Variants in KIF27 observed in about 807,000 individuals in gnomAD.
The protein encoded by KIF27 is kinesin family member 27.
Under a neutral mutation model 141.8 loss-of-function variants are expected in KIF27, and 84 were observed. The observed-to-expected ratio is 0.59, with a 90% CI of 0.50 to 0.71. The LOEUF (loss-of-function observed/expected upper bound fraction) is 0.71. Among genes scored for constraint, KIF27 ranks in the 30% least tolerant of loss-of-function variants. KIF27 has a pLI of 0.00. For missense variants in KIF27, 1,306 were observed against 1,628.4 expected (o/e 0.80, Z 3.41); for synonymous variants, 471 against 569.5 (o/e 0.83, Z 2.46).
chr9:83,899,968 T>C (rs377156945), intron 4 of KIF27, among the ~76,000 whole-genome samples, 164 bp from the exon 5 acceptor site: 1 of 152,174 alleles, frequency 6.6e-6, no homozygotes, highest in Non-Finnish European at 1.5e-5. Context: ...GCAGAAAGAG[T>C]TGAGAGAACC....
intron 1 of KIF27, among the ~76,000 whole-genome samples, chr9:83,917,384 T>C (rs1045536648): frequency 2.0e-5 from 3 of 152,200 alleles, no homozygotes; most frequent in African/African-American, 7.2e-5. Flanking sequence ...AATATGTCAG[T>C]ATTCCCCAAA....
At chr9:83,890,774 G>A (rs562898881) in intron 6 of KIF27, among the ~76,000 whole-genome samples, 7 of 152,232 alleles carry the variant, frequency 4.6e-5, no homozygotes, top group East Asian at 1.9e-4. Context: ...TGCTAATTAC[G>A]TCTTTTCCAT....
At chr9:83,852,771 G>A (rs1478870369) in intron 15 of KIF27, among the ~76,000 whole-genome samples, 1 of 152,088 alleles carries the variant, frequency 6.6e-6, no homozygotes, top group Non-Finnish European at 1.5e-5. Flanking sequence ...TGGGACTACA[G>A]GTGTATGCTA....
intron 11 of KIF27, among the ~76,000 whole-genome samples, chr9:83,875,932 G>C (rs1325198953): frequency 4.0e-5 from 6 of 151,744 alleles, no homozygotes; most frequent in African/African-American, 1.5e-4. Flanking sequence ...GTAAGAAAGG[G>C]ATGGGAAAAA....
chr9:83,843,996 A>G (rs933807322), intron 16 of KIF27, among the ~76,000 whole-genome samples: 4 of 152,154 alleles, frequency 2.6e-5, no homozygotes, highest in Non-Finnish European at 5.9e-5. Flanking sequence ...TGTGTCTGTG[A>G]AAGTGTTGCC....
rs371644280 is a variant in KIF27, at chr9:83,904,847, G to C, written c.500-829C>G. Among the ~76,000 whole-genome samples, 4 of 151,392 alleles carry C rather than the reference G, an allele frequency of 2.6e-5. No homozygotes were observed. In the East Asian group the frequency reaches 7.8e-4, roughly 29 times the overall value. ...ATCGTGAGGTCATAATCAATGAAGA[G>C]TAAAAAATTCAATACAAATAAAGTT... On this transcript the variant is annotated intron_variant, in intron 3 of 17. Coordinates refer to ENST00000297814, the MANE Select transcript of KIF27 (RefSeq NM_017576.4).
Position 83,850,100 on chromosome 9 carries a change from T to C in KIF27, c.3555A>G (p.Lys1185=). The C allele has an allele frequency of 1.9e-6, 3 of 1,613,582 alleles. No individual in the cohort carries two copies. The highest frequency in any genetic ancestry group is 2.5e-6 in the Non-Finnish European group (3 of 1,179,490). Residue 1185 remains lysine, a splice_region_variant and synonymous_variant, in exon 16 of 18, where the codon AAA becomes AAG. Coordinates refer to ENST00000297814, the MANE Select transcript of KIF27 (RefSeq NM_017576.4). Reference sequence around the variant, plus strand: ...ATAACTGTCAAAAGGGGAAGTTACCTTTGAAATGATGTAATAGCAACTGCA... The same window carrying C: ...ATAACTGTCAAAAGGGGAAGTTACCCTTGAAATGATGTAATAGCAACTGCA... ...QKMQLLLHHF[K]EQDGEGIMET... is the part of the protein sequence containing the mutation.
rs1554691202 is a variant in KIF27 at position 83,921,419 on chromosome 9, CT to C, written c.-137del. The C allele has an allele frequency of 6.6e-6, 1 of 152,416 alleles. No individual in the cohort carries two copies. The highest frequency in any genetic ancestry group is 1.5e-5 in the Non-Finnish European group (1 of 68,198). 9.4% of individuals were successfully genotyped at this position (152,416 alleles called of 1,614,324 possible). A position where few individuals can be genotyped will look rare whatever the true frequency, so the allele number is the denominator to read the frequency against. ...TGTCGGCGAGCGCTGGACTCCTCAG[CT>C]TCGCTCTGCCACACCGCGCAGCCGC... On this transcript the variant is annotated 5_prime_UTR_variant, in exon 1 of 18. Transcript: ENST00000297814.
At chr9:83,907,073 G>A (rs968692187) in intron 3 of KIF27, among the ~76,000 whole-genome samples, 1 of 151,728 alleles carries the variant, frequency 6.6e-6, no homozygotes, top group African/African-American at 2.4e-5. Flanking sequence ...GGAGGATCAC[G>A]AGGTCAGGAG....
At chr9:83,844,961 C>T (rs1476496405) in intron 16 of KIF27, among the ~76,000 whole-genome samples, 1 of 152,160 alleles carries the variant, frequency 6.6e-6, no homozygotes, top group African/African-American at 2.4e-5. Flanking sequence ...TATTGAGTGA[C>T]CTGAAAGGCT....
At chr9:83,904,067 AG>A (rs758612709) in intron 3 of KIF27, 49 bp from the exon 4 acceptor site, 1 of 1,440,844 alleles carries the variant, frequency 6.9e-7, no homozygotes. Flanking sequence ...ATCAAAACCT[AG>A]TATAGTTAAC....
At chr9:83,889,414 T>C (rs1198087241) in intron 6 of KIF27, 161 bp from the exon 7 acceptor site, 3 of 547,426 alleles carry the variant, frequency 5.5e-6, no homozygotes, top group Non-Finnish European at 9.4e-6. Flanking sequence ...CAAAATTAAT[T>C]TAACAATACT....
chr9:83,872,414 A>G (rs564156731), intron 11 of KIF27, among the ~76,000 whole-genome samples: 1 of 152,336 alleles, frequency 6.6e-6, no homozygotes, highest in South Asian at 2.1e-4. Flanking sequence ...GACAGGAAGG[A>G]GGCCATGAGT....
chr9:83,910,548 A>T lies in KIF27; in HGVS notation c.299-1896T>A, dbSNP rs1387730285. Reference sequence around the variant, plus strand: ...GAAAAGGTGCAAGGAGCTTGAGAGTAGAAAGGGACAACAAGAAAAGACAGG... The same window carrying T: ...GAAAAGGTGCAAGGAGCTTGAGAGTTGAAAGGGACAACAAGAAAAGACAGG... On this transcript the variant is annotated intron_variant, in intron 2 of 17. Coordinates refer to ENST00000297814, the MANE Select transcript of KIF27 (RefSeq NM_017576.4). Among the ~76,000 whole-genome samples the T allele has an allele frequency of 2.6e-5, 4 of 152,228 alleles. No individual in the cohort carries two copies. The South Asian group carries it at 8.3e-4, about 31-fold the overall frequency.
At position 83,880,357 on chromosome 9, in the gene KIF27, T is replaced by G. The variant is rs761608802; in HGVS notation, c.2583A>C (p.Glu861Asp). 2 of 1,613,776 alleles carry G rather than the reference T, an allele frequency of 1.2e-6. No individual in the cohort carries two copies. Among genetic ancestry groups the G allele is most frequent in the Non-Finnish European group, 1.7e-6 (2 of 1,179,762 alleles). ...CCAGTTGCTTCCTTTTTTCATTTTC[T>G]TCTCGTAGTTTTCTTTGTAGCTGTA... is the stretch of plus-strand genomic sequence containing the variant. Reference protein sequence around the residue: ...QKIQLQRKLREENEKRKQLDA... With the variant: ...QKIQLQRKLRDENEKRKQLDA... The change falls in exon 11 of 18, where the codon GAA becomes GAC. Residue 861 changes from glutamate (E) to aspartate (D), a missense_variant. This residue lies in a region of KIF27 where 596 missense variants were observed against 751.6 expected (regional missense o/e 0.79). Coordinates refer to ENST00000297814, the MANE Select transcript of KIF27 (RefSeq NM_017576.4).
chr9:83,836,051 A>G lies in KIF27; in HGVS notation c.*950T>C, dbSNP rs1298025323. ...GAAAAACTTGGAGATTTTAGTAAAA[A>G]TTTCATTGACATATTTACAGCCCCA... is the stretch of plus-strand genomic sequence containing the variant. On this transcript the variant is annotated 3_prime_UTR_variant, in exon 18 of 18. Coordinates refer to ENST00000297814, the MANE Select transcript of KIF27 (RefSeq NM_017576.4). Among the ~76,000 whole-genome samples the G allele has an allele frequency of 1.3e-5, 2 of 152,160 alleles. No homozygotes were observed. Among genetic ancestry groups the G allele is most frequent in the African/African-American group, 4.8e-5 (2 of 41,440 alleles).
intron 10 of KIF27, 114 bp downstream of exon 10, chr9:83,883,699 C>T (rs992105543): frequency 1.6e-4 from 105 of 662,142 alleles, no homozygotes; most frequent in Non-Finnish European, 2.0e-4. Context: ...AAAGTTGATA[C>T]CCAGTTTCTC....
Position 83,850,302 on chromosome 9 carries a change from C to T in KIF27, c.3358-5G>A, listed in dbSNP as rs1948396010. The T allele has an allele frequency of 6.2e-7, 1 of 1,600,454 alleles. No individual in the cohort carries two copies. Among genetic ancestry groups the T allele is most frequent in the Non-Finnish European group, 8.6e-7 (1 of 1,167,806 alleles). ...AGCTTCTCGCAAATTCACCACCTAA[C>T]AAATACATATTTTGACCTGTTAAGT... is the stretch of plus-strand genomic sequence containing the variant. On this transcript the variant is annotated splice_region_variant and splice_polypyrimidine_tract_variant and intron_variant, in intron 15 of 17. Transcript: ENST00000297814.
At chr9:83,886,776 T>TAATAA (rs1344400248) in intron 9 of KIF27, among the ~76,000 whole-genome samples, 10 of 152,054 alleles carry the variant, frequency 6.6e-5, no homozygotes, top group African/African-American at 1.2e-4. Flanking sequence ...AATAAACATG[T>TAATAA]TGTAACTGGT....
Sources: gnomAD v4.1 joint callset for allele counts (sites outside exome capture counted in the v4.1 genomes callset) on GRCh38, gnomAD v4.1.1 for gene constraint, gnomAD v4.1.1 regional missense constraint, MANE v1.5 for transcripts, NCBI Gene and HGNC (gene_info 2026-07-23, HGNC 2026-07-21) for gene names.